The following GPC6 variants were observed in gnomAD, a reference collection of about 807,000 sequenced individuals.
The protein encoded by GPC6 is glypican-6.
Under a neutral mutation model 55.2 loss-of-function variants are expected in GPC6, and 14 were observed. That is an observed-to-expected ratio of 0.25 (90% CI 0.17 to 0.40). GPC6 has a LOEUF of 0.40. Ranked by LOEUF, GPC6 falls within the 10% of genes least tolerant of loss-of-function variation. The pLI is 1.00. For missense variants in GPC6, 641 were observed against 708.5 expected (o/e 0.90, Z 1.08); for synonymous variants, 278 against 259.6 (o/e 1.07, Z -0.68).
intron 2 of GPC6, among the ~76,000 whole-genome samples, chr13:93,608,729 C>T (rs1196388953): frequency 1.3e-5 from 2 of 152,166 alleles, no homozygotes. Context: ...CGCTGTCCTG[C>T]CACGTTCAGG....
chr13:94,062,129 A>T (rs1002481146), intron 4 of GPC6, among the ~76,000 whole-genome samples: 4 of 152,182 alleles, frequency 2.6e-5, no homozygotes, highest in African/African-American at 9.6e-5. Context: ...TGAAGAAACT[A>T]ATATTTTTTT....
intron 4 of GPC6, among the ~76,000 whole-genome samples, chr13:94,194,514 C>T (rs888269212): frequency 6.6e-6 from 1 of 152,072 alleles, no homozygotes; most frequent in African/African-American, 2.4e-5. Context: ...GAAAACCAAA[C>T]ATTGTATGTT....
At chr13:93,502,122 TCA>T (rs888326492) in intron 1 of GPC6, among the ~76,000 whole-genome samples, 14 of 152,210 alleles carry the variant, frequency 9.2e-5, no homozygotes, top group African/African-American at 3.4e-4. Flanking sequence ...AGCAATATGT[TCA>T]GTTGTGGGAA....
chr13:93,343,622 C>T (rs900051055), intron 1 of GPC6, among the ~76,000 whole-genome samples: 4 of 152,138 alleles, frequency 2.6e-5, no homozygotes. Context: ...TTCCATTGCC[C>T]TCCAACTAGT....
intron 1 of GPC6, among the ~76,000 whole-genome samples, chr13:93,341,621 A>T (rs1880256881): frequency 6.7e-6 from 1 of 149,676 alleles, no homozygotes; most frequent in Non-Finnish European, 1.5e-5. Context: ...GATTTGCTTG[A>T]GTTCCTTGTA....
At chr13:94,305,920 T>G in intron 5 of GPC6, 60 bp from the exon 6 acceptor site, 3 of 1,522,618 alleles carry the variant, frequency 2.0e-6, no homozygotes, top group Non-Finnish European at 2.7e-6. Context: ...CATTTCTGCT[T>G]CATGAATTTA....
chr13:93,750,385 T>TA (rs1884535917), intron 2 of GPC6, among the ~76,000 whole-genome samples: 1 of 152,084 alleles, frequency 6.6e-6, no homozygotes, highest in Non-Finnish European at 1.5e-5. Flanking sequence ...GATCTGCTAT[T>TA]AAAAAATAAT....
At chr13:93,339,377 T>TAA (rs3074917) in intron 1 of GPC6, among the ~76,000 whole-genome samples, 19,676 of 137,332 alleles carry the variant, frequency 0.14, 1,485 homozygotes, top group East Asian at 0.26. Context: ...CATCATCTAT[T>TAA]AAAAAAAAAA....
At chr13:93,613,950 A>T (rs1878603621) in intron 2 of GPC6, among the ~76,000 whole-genome samples, 1 of 152,190 alleles carries the variant, frequency 6.6e-6, no homozygotes, top group South Asian at 2.1e-4. Context: ...CCTGGATTCC[A>T]GTCAATTTAG....
chr13:94,116,493 A>G (rs568608910), intron 4 of GPC6, among the ~76,000 whole-genome samples: 58 of 152,222 alleles, frequency 3.8e-4, no homozygotes, highest in Admixed American at 2.7e-3. Flanking sequence ...TCACATGCAT[A>G]AAAGGTGGGC....
intron 2 of GPC6, among the ~76,000 whole-genome samples, chr13:93,583,874 C>T (rs1877064822): frequency 6.6e-6 from 1 of 152,148 alleles, no homozygotes; most frequent in East Asian, 1.9e-4. Context: ...CATCCTAATC[C>T]TTTGGTCTCT....
chr13:93,670,332 T>A (rs1881308872), intron 2 of GPC6, among the ~76,000 whole-genome samples: 1 of 152,202 alleles, frequency 6.6e-6, no homozygotes, highest in South Asian at 2.1e-4. Flanking sequence ...GACTGCCATG[T>A]CTTAGTTAGC....
intron 4 of GPC6, among the ~76,000 whole-genome samples, chr13:94,196,019 A>C (rs979204869): frequency 6.6e-6 from 1 of 152,176 alleles, no homozygotes; most frequent in African/African-American, 2.4e-5. Context: ...TATGAGAACA[A>C]ATTTCTCTTT....
intron 3 of GPC6, among the ~76,000 whole-genome samples, chr13:93,881,549 T>C (rs1031058472): frequency 1.3e-5 from 2 of 152,090 alleles, no homozygotes; most frequent in East Asian, 3.9e-4. Flanking sequence ...AATGATTACT[T>C]GGAGTCAAGA....
intron 6 of GPC6, among the ~76,000 whole-genome samples, chr13:94,380,421 C>A (rs1170006174): frequency 6.6e-6 from 1 of 152,020 alleles, no homozygotes; most frequent in East Asian, 1.9e-4. Context: ...TTGTTTTTCA[C>A]ATTTTCACAT....
At chr13:93,478,602 C>G (rs769371085) in intron 1 of GPC6, among the ~76,000 whole-genome samples, 4 of 152,098 alleles carry the variant, frequency 2.6e-5, no homozygotes, top group Admixed American at 6.6e-5. Flanking sequence ...TCTTCTGGAT[C>G]CATAGCACAT....
At chr13:93,904,400 C>T (rs1876523961) in intron 3 of GPC6, among the ~76,000 whole-genome samples, 1 of 152,080 alleles carries the variant, frequency 6.6e-6, no homozygotes, top group Admixed American at 6.6e-5. Context: ...CCCCCAAGAG[C>T]TCTAGCATTA....
At chr13:93,994,321 C>A (rs781594383) in intron 3 of GPC6, among the ~76,000 whole-genome samples, 1 of 152,212 alleles carries the variant, frequency 6.6e-6, no homozygotes, top group African/African-American at 2.4e-5. Context: ...GAATATATTA[C>A]CTTTACAAAA....
At chr13:93,410,739 T>C (rs1369021555) in intron 1 of GPC6, among the ~76,000 whole-genome samples, 1 of 152,210 alleles carries the variant, frequency 6.6e-6, no homozygotes, top group Non-Finnish European at 1.5e-5. Flanking sequence ...AATTCCAGGA[T>C]AGTCTTTGAG....
Sources: gnomAD v4.1 joint callset for allele counts (sites outside exome capture counted in the v4.1 genomes callset) on GRCh38, gnomAD v4.1.1 for gene constraint, MANE v1.5 for transcripts, NCBI Gene and HGNC (gene_info 2026-07-23, HGNC 2026-07-21) for gene names.